Variants in CPNE5 observed in about 807,000 individuals in gnomAD.
CPNE5 encodes the protein copine-5.
Under a neutral mutation model 81.1 loss-of-function variants are expected in CPNE5, and 42 were observed. The ratio of observed to expected loss-of-function variants is 0.52; its 90% CI spans 0.40 to 0.67. CPNE5 has a LOEUF of 0.67. CPNE5 is among the 30% of genes least tolerant of loss of function. The probability of loss-of-function intolerance (pLI) is 0.00; values close to 1 mark genes in which losing one functional copy is unlikely to be tolerated. For missense variants in CPNE5, 612 were observed against 815.5 expected, an observed-to-expected ratio of 0.75 and a Z score of 3.04; for synonymous variants, 313 against 321.5, an observed-to-expected ratio of 0.97 and a Z score of 0.28.
At chr6:36,800,206 G>C in intron 3 of CPNE5, 136 bp from the exon 4 acceptor site, 1 of 612,724 alleles carries the variant, frequency 1.6e-6, no homozygotes, top group Non-Finnish European at 2.9e-6. Context: ...CCAGGCTCCT[G>C]ACATCCATCC....
At chr6:36,769,779 C>T (rs1390239177) in intron 10 of CPNE5, among the ~76,000 whole-genome samples, 3 of 152,320 alleles carry the variant, frequency 2.0e-5, no homozygotes, top group African/African-American at 4.8e-5. Flanking sequence ...GTACGATGCC[C>T]TTCATCGAGG....
At chr6:36,792,200 C>CA in intron 7 of CPNE5, 104 bp from the exon 8 acceptor site, 1 of 1,256,558 alleles carries the variant, frequency 8.0e-7, no homozygotes, top group Non-Finnish European at 1.1e-6. Flanking sequence ...CGCCCCCTAC[C>CA]ATCCAGCAGA....
At chr6:36,760,231 A>G (rs1197764819) in intron 12 of CPNE5, among the ~76,000 whole-genome samples, 2 of 150,616 alleles carry the variant, frequency 1.3e-5, no homozygotes, top group South Asian at 2.1e-4. Context: ...AAAAAAAAAA[A>G]AGCACGCATA....
intron 1 of CPNE5, among the ~76,000 whole-genome samples, chr6:36,831,930 G>T (rs140141571): frequency 7.9e-5 from 12 of 152,324 alleles, no homozygotes; most frequent in African/African-American, 2.9e-4. Context: ...TAAGCCAGGA[G>T]TGGCACTGAC....
intron 12 of CPNE5, among the ~76,000 whole-genome samples, chr6:36,760,033 C>T (rs1765864526): frequency 6.6e-6 from 1 of 150,682 alleles, no homozygotes; most frequent in African/African-American, 2.4e-5. Flanking sequence ...ATGGCAAAAA[C>T]CCATCTCTAC....
Position 36,742,138 on chromosome 6 carries a change from C to A in CPNE5, c.*130G>T, listed in dbSNP as rs1763623368. Reference sequence around the variant, plus strand: ...GAGGAGGGGTCTTCAGAAGCCCCACCCCCTGGCAGCCTCCCAGGCACACAG... The same window carrying A: ...GAGGAGGGGTCTTCAGAAGCCCCACACCCTGGCAGCCTCCCAGGCACACAG... On this transcript the variant is annotated 3_prime_UTR_variant, in exon 21 of 21. Transcript: ENST00000244751. 5 of 666,844 alleles carry A rather than the reference C, an allele frequency of 7.5e-6. No homozygotes were observed. The highest frequency in any genetic ancestry group is 1.2e-5 in the Non-Finnish European group (5 of 406,652). 41.3% of individuals were successfully genotyped at this position (666,844 alleles called of 1,614,324 possible).
At chr6:36,816,973 T>A (rs765742131) in intron 3 of CPNE5, among the ~76,000 whole-genome samples, 2 of 152,228 alleles carry the variant, frequency 1.3e-5, no homozygotes, top group African/African-American at 4.8e-5. Context: ...GGGACGGGTC[T>A]TGCCAAGTCG....
intron 8 of CPNE5, among the ~76,000 whole-genome samples, chr6:36,785,835 A>T (rs1768481865): frequency 6.6e-6 from 1 of 152,134 alleles, no homozygotes; most frequent in Admixed American, 6.5e-5. Flanking sequence ...CAACATGGTG[A>T]AACCCCGTCT....
chr6:36,743,251 T>G (rs1763729480), intron 20 of CPNE5: 1 of 985,044 alleles, frequency 1.0e-6, no homozygotes, highest in Admixed American at 6.1e-5. Flanking sequence ...AGGACAAAGG[T>G]CTTTCTGCTC....
chr6:36,826,979 G>C (rs771508113), intron 1 of CPNE5, among the ~76,000 whole-genome samples: 1 of 152,166 alleles, frequency 6.6e-6, no homozygotes, highest in Non-Finnish European at 1.5e-5. Flanking sequence ...TTGTCAGACA[G>C]GTCAGCTGTC....
rs570075995 is a variant in CPNE5 at position 36,805,474 on chromosome 6, G to A, written c.184-5404C>T. Among the ~76,000 whole-genome samples the A allele has an allele frequency of 4.6e-5, 7 of 152,360 alleles. No homozygotes were observed. The South Asian group carries it at 1.4e-3, about 32-fold the overall frequency. On this transcript the variant is annotated intron_variant, in intron 3 of 20. Coordinates refer to ENST00000244751, the MANE Select transcript of CPNE5 (RefSeq NM_020939.2). ...GACCACCAAACACTGGTAAGCACAG[G>A]AATTCTGATAAACAAAGGCTGAAGG...
chr6:36,803,774 A>G (rs114332124), intron 3 of CPNE5, among the ~76,000 whole-genome samples: 1 of 152,146 alleles, frequency 6.6e-6, no homozygotes, highest in Non-Finnish European at 1.5e-5. Context: ...GGCAGTCATG[A>G]TTTTACCTTT....
chr6:36,806,734 GC>G (rs1427700191), intron 3 of CPNE5, among the ~76,000 whole-genome samples: 10 of 152,180 alleles, frequency 6.6e-5, no homozygotes, highest in Non-Finnish European at 1.3e-4. Context: ...GACAGCCCCT[GC>G]CTCCACCCTA....
chr6:36,765,000 C>G (rs1766423212), intron 11 of CPNE5, among the ~76,000 whole-genome samples: 1 of 152,202 alleles, frequency 6.6e-6, no homozygotes, highest in Admixed American at 6.5e-5. Context: ...AGAACATGCA[C>G]TCTTCAGAAA....
intron 4 of CPNE5, 71 bp from the exon 5 acceptor site, chr6:36,798,565 T>C: frequency 7.0e-7 from 1 of 1,427,872 alleles, no homozygotes; most frequent in Non-Finnish European, 9.9e-7. Context: ...GGTTCTCAAG[T>C]TGAGTCAGGG....
chr6:36,796,448 C>A (rs185634950), intron 6 of CPNE5, among the ~76,000 whole-genome samples: 23 of 152,328 alleles, frequency 1.5e-4, no homozygotes, highest in Non-Finnish European at 2.9e-4. Context: ...GAAGCACAGA[C>A]ACCCTCCCTC....
At chr6:36,771,836 CG>C (rs1767064113) in intron 10 of CPNE5, among the ~76,000 whole-genome samples, 1 of 133,890 alleles carries the variant, frequency 7.5e-6, no homozygotes, top group Non-Finnish European at 1.6e-5. Context: ...GGCTGGGGGG[CG>C]GGGGGATAGG....
intron 3 of CPNE5, among the ~76,000 whole-genome samples, chr6:36,817,575 A>C (rs913529293): frequency 3.3e-5 from 5 of 152,028 alleles, no homozygotes; most frequent in African/African-American, 1.2e-4. Context: ...CCAGCCTCAC[A>C]TCCTGAACAC....
chr6:36,759,401 G>A (rs1765806189), intron 12 of CPNE5, among the ~76,000 whole-genome samples: 1 of 151,668 alleles, frequency 6.6e-6, no homozygotes, highest in African/African-American at 2.4e-5. Flanking sequence ...CCTTCTTCTT[G>A]GTGGTCAGGC....
Sources: gnomAD v4.1 joint callset for allele counts (sites outside exome capture counted in the v4.1 genomes callset) on GRCh38, gnomAD v4.1.1 for gene constraint, MANE v1.5 for transcripts, NCBI Gene and HGNC (gene_info 2026-07-23, HGNC 2026-07-21) for gene names.